The following CDIN1 variants were observed in gnomAD, a reference collection of about 807,000 sequenced individuals.
CDIN1 encodes CDAN1-interacting nuclease 1.
In CDIN1, 33 loss-of-function variants were observed where a neutral mutation model predicts 45.3. The observed-to-expected ratio is 0.73, with a 90% CI of 0.55 to 0.97. The LOEUF (loss-of-function observed/expected upper bound fraction) is 0.97, where lower values mean the gene tolerates loss of function less well. CDIN1 is among the 50% of genes least tolerant of loss of function. The pLI, the probability that CDIN1 is intolerant of heterozygous loss-of-function variation, is 0.00. For missense variants in CDIN1, 303 were observed against 339.4 expected (o/e 0.89, Z 0.84); for synonymous variants, 118 against 124.4 (o/e 0.95, Z 0.34).
At chr15:36,655,326 C>G (rs1422437604) in intron 4 of CDIN1, among the ~76,000 whole-genome samples, 6 of 129,586 alleles carry the variant, frequency 4.6e-5, no homozygotes, top group Admixed American at 1.5e-4. Context: ...TTTTTTTTTG[C>G]TTTTTTTTTT....
intron 1 of CDIN1, chr15:36,617,373 A>C: frequency 6.4e-7 from 1 of 1,566,986 alleles, no homozygotes; most frequent in Non-Finnish European, 8.8e-7. Context: ...TGATTTTAGG[A>C]CCAGAAGATC....
At chr15:36,641,485 T>C (rs140409825) in intron 1 of CDIN1, 1 of 152,226 alleles carries the variant, frequency 6.6e-6, no homozygotes, top group Non-Finnish European at 1.5e-5. Context: ...CCCAGACAGC[T>C]GTAGGGTGCG....
chr15:36,685,317 C>G (rs1297149012), intron 5 of CDIN1, among the ~76,000 whole-genome samples: 3 of 151,916 alleles, frequency 2.0e-5, no homozygotes, highest in South Asian at 4.2e-4. Context: ...GTCTTTATTT[C>G]TGCCTTCATT....
chr15:36,649,748 G>A (rs551941456), intron 3 of CDIN1, among the ~76,000 whole-genome samples: 8 of 152,138 alleles, frequency 5.3e-5, no homozygotes, highest in African/African-American at 1.7e-4. Context: ...AAGTTGCCCC[G>A]GACACCCCGA....
intron 1 of CDIN1, chr15:36,617,936 T>C: frequency 1.3e-6 from 1 of 764,568 alleles, no homozygotes; most frequent in Non-Finnish European, 2.4e-6. Context: ...GAATTGTTAC[T>C]AATTAATGGA....
chr15:36,598,358 A>G (rs1322901701), intron 1 of CDIN1, among the ~76,000 whole-genome samples: 1 of 145,600 alleles, frequency 6.9e-6, no homozygotes, highest in African/African-American at 2.5e-5. Flanking sequence ...TAAACAAAAT[A>G]GTCCATTGGA....
intron 10 of CDIN1, among the ~76,000 whole-genome samples, chr15:36,746,329 C>T (rs950937584): frequency 2.6e-5 from 4 of 151,940 alleles, no homozygotes; most frequent in Admixed American, 1.3e-4. Flanking sequence ...TGCTGAAATA[C>T]AAGTGCAAAA....
chr15:36,618,669 T>G, intron 1 of CDIN1: 1 of 813,276 alleles, frequency 1.2e-6, no homozygotes, highest in Non-Finnish European at 2.2e-6. Flanking sequence ...TGCCTGCAGA[T>G]GAGCAGACAG....
intron 10 of CDIN1, among the ~76,000 whole-genome samples, chr15:36,740,790 G>C (rs2044207848): frequency 6.6e-6 from 1 of 151,888 alleles, no homozygotes; most frequent in Non-Finnish European, 1.5e-5. Context: ...TCTGGAGGCT[G>C]AGGCAGGAGA....
intron 10 of CDIN1, among the ~76,000 whole-genome samples, chr15:36,766,349 T>C (rs1028336295): frequency 1.3e-5 from 2 of 152,358 alleles, no homozygotes; most frequent in East Asian, 3.9e-4. Context: ...TTACTGTGAA[T>C]ATTGCTGCCA....
intron 3 of CDIN1, among the ~76,000 whole-genome samples, chr15:36,653,573 T>C (rs1302095397): frequency 6.6e-6 from 1 of 152,126 alleles, no homozygotes; most frequent in African/African-American, 2.4e-5. Context: ...CTGGAGGTTC[T>C]TCCACAAATC....
intron 10 of CDIN1, among the ~76,000 whole-genome samples, chr15:36,797,501 C>CAGT (rs1479181313): frequency 6.6e-6 from 1 of 152,156 alleles, no homozygotes; most frequent in Non-Finnish European, 1.5e-5. Flanking sequence ...CTTTAACCAT[C>CAGT]AGTAGTGTTA....
intron 10 of CDIN1, among the ~76,000 whole-genome samples, chr15:36,735,895 A>C (rs931441695): frequency 3.3e-5 from 5 of 152,220 alleles, no homozygotes; most frequent in Non-Finnish European, 7.3e-5. Context: ...ATCCTTTAAA[A>C]GTCCACAGCT....
chr15:36,643,484 C>T (rs1327508006), intron 1 of CDIN1, among the ~76,000 whole-genome samples: 2 of 152,080 alleles, frequency 1.3e-5, no homozygotes, highest in Non-Finnish European at 2.9e-5. Context: ...TTTCAAGATA[C>T]GATAAGTTAG....
chr15:36,732,569 G>GT (rs2043870499), intron 10 of CDIN1, among the ~76,000 whole-genome samples: 1 of 152,052 alleles, frequency 6.6e-6, no homozygotes, highest in Non-Finnish European at 1.5e-5. Flanking sequence ...ATATGTAAGG[G>GT]TAGATTGAGT....
chr15:36,698,207 G>A (rs1353241672), intron 8 of CDIN1, among the ~76,000 whole-genome samples: 1 of 152,186 alleles, frequency 6.6e-6, no homozygotes, highest in Non-Finnish European at 1.5e-5. Flanking sequence ...CAAACCAAAT[G>A]CAGAGAAATG....
chr15:36,612,173 A>G (rs750969411), intron 1 of CDIN1, among the ~76,000 whole-genome samples: 1 of 152,128 alleles, frequency 6.6e-6, no homozygotes, highest in African/African-American at 2.4e-5. Flanking sequence ...GCTATTGCAG[A>G]GTAAGCGTAA....
At chr15:36,677,272 T>C (rs915291946) in intron 5 of CDIN1, among the ~76,000 whole-genome samples, 2 of 152,098 alleles carry the variant, frequency 1.3e-5, no homozygotes, top group Admixed American at 6.6e-5. Context: ...TAAACAGATA[T>C]GCAGCATATC....
At chr15:36,804,375 A>G (rs530604174) in intron 10 of CDIN1, among the ~76,000 whole-genome samples, 2 of 152,134 alleles carry the variant, frequency 1.3e-5, no homozygotes, top group Non-Finnish European at 1.5e-5. Flanking sequence ...CTGTCTCTAG[A>G]CTCGCACTGA....
Sources: gnomAD v4.1 joint callset for allele counts (sites outside exome capture counted in the v4.1 genomes callset) on GRCh38, gnomAD v4.1.1 for gene constraint, MANE v1.5 for transcripts, NCBI Gene and HGNC (gene_info 2026-07-23, HGNC 2026-07-21) for gene names.